Variants in KPNA6 observed in about 807,000 individuals in gnomAD.
The protein encoded by KPNA6 is importin subunit alpha-7.
A neutral mutation model predicts 72.0 loss-of-function variants in KPNA6; 9 were observed. That is an observed-to-expected ratio of 0.13 (90% CI 0.08 to 0.22). KPNA6 has a LOEUF of 0.22. Among genes scored for constraint, KPNA6 ranks in the 10% least tolerant of loss-of-function variants. The pLI, the probability that KPNA6 is intolerant of heterozygous loss-of-function variation, is 1.00. For synonymous variants in KPNA6, 219 were observed against 242.1 expected (o/e 0.90, Z 0.89); for missense variants, 374 against 655.7 (o/e 0.57, Z 4.69).
Position 32,152,944 on chromosome 1 carries a change from A to T in KPNA6, c.5-1644A>T, listed in dbSNP as rs1244939895. Among the ~76,000 whole-genome samples the T allele has an allele frequency of 3.7e-5, 5 of 136,432 alleles. No homozygotes were observed. The East Asian group carries it at 1.2e-3, about 33-fold the overall frequency. 89.5% of individuals were successfully genotyped at this position (136,432 alleles called of 152,430 possible). ...GGCAGGAGAATCACATGAACCCAGG[A>T]GGCGGAGGGTTGCAGTGAGCCAAGA... is the stretch of plus-strand genomic sequence containing the variant. On this transcript the variant is annotated intron_variant, in intron 1 of 13. Coordinates refer to ENST00000373625, the MANE Select transcript of KPNA6 (RefSeq NM_012316.5).
intron 1 of KPNA6, among the ~76,000 whole-genome samples, chr1:32,112,292 A>G (rs924805471): frequency 5.9e-5 from 9 of 152,328 alleles, no homozygotes; most frequent in South Asian, 2.1e-4. Flanking sequence ...AGAACTTGCT[A>G]TGTGCTAGGT....
At chr1:32,119,133 C>T (rs1205286944) in intron 1 of KPNA6, among the ~76,000 whole-genome samples, 2 of 148,434 alleles carry the variant, frequency 1.3e-5, no homozygotes, top group African/African-American at 5.0e-5. Context: ...TGGGTTCAAG[C>T]GATTCTCCTG....
At chr1:32,150,746 C>G (rs1642016766) in intron 1 of KPNA6, among the ~76,000 whole-genome samples, 1 of 152,164 alleles carries the variant, frequency 6.6e-6, no homozygotes, top group Non-Finnish European at 1.5e-5. Flanking sequence ...CCTGCCTCAG[C>G]CTCCCGAGTA....
intron 8 of KPNA6, 65 bp from the exon 9 acceptor site, chr1:32,162,296 G>C: frequency 6.9e-7 from 1 of 1,445,296 alleles, no homozygotes; most frequent in Non-Finnish European, 9.4e-7. Flanking sequence ...TGCAATGTTA[G>C]GGTTCGTGAT....
At chr1:32,152,158 C>G (rs566208652) in intron 1 of KPNA6, among the ~76,000 whole-genome samples, 2 of 152,006 alleles carry the variant, frequency 1.3e-5, no homozygotes, top group South Asian at 4.2e-4. Context: ...GTGAGACCCC[C>G]ATCTCTACAA....
intron 1 of KPNA6, among the ~76,000 whole-genome samples, chr1:32,118,997 CATATATATATATATAT>C (rs71578197): frequency 6.7e-5 from 4 of 59,798 alleles, no homozygotes; most frequent in African/African-American, 1.3e-4. Context: ...TGTGTGTATA[CATATATATATATATAT>C]ATATATATAT....
chr1:32,160,543 G>A lies in KPNA6; in HGVS notation c.559-72G>A. The A allele has an allele frequency of 6.2e-6, 7 of 1,132,604 alleles. No individual in the cohort carries two copies. In the South Asian group the frequency reaches 8.6e-5, roughly 14 times the overall value. 70.2% of individuals were successfully genotyped at this position (1,132,604 alleles called of 1,614,324 possible). A position where few individuals can be genotyped will look rare whatever the true frequency, so the allele number is the denominator to read the frequency against. On this transcript the variant is annotated intron_variant, in intron 6 of 13. Coordinates refer to ENST00000373625, the MANE Select transcript of KPNA6 (RefSeq NM_012316.5). ...TCTCATCCTGGTGGGTACTCACTTT[G>A]CAGTTGTGGCTATAAAGTACTCACA...
intron 1 of KPNA6, among the ~76,000 whole-genome samples, chr1:32,127,934 G>C (rs746407723): frequency 1.1e-4 from 17 of 152,140 alleles, no homozygotes; most frequent in Non-Finnish European, 2.2e-4. Context: ...CACAGTGCCT[G>C]TTTGAGATTG....
chr1:32,167,122 T>C (rs866918684), intron 11 of KPNA6, 47 bp from the exon 12 acceptor site: 12 of 1,601,860 alleles, frequency 7.5e-6, no homozygotes, highest in Non-Finnish European at 9.4e-6. Context: ...TTTATCATGC[T>C]GAAATGACTT....
rs74401724 is a variant in KPNA6, at chr1:32,160,512, C to T, written c.559-103C>T. The T allele has an allele frequency of 2.6e-3, 2,160 of 838,722 alleles. 26 individuals carry two copies. The African/African-American group carries it at 0.03, about 12-fold the overall frequency. The allele number at this position is 838,722 out of a possible 1,614,324, so 52.0% of individuals were successfully genotyped here. On this transcript the variant is annotated intron_variant, in intron 6 of 13. Transcript: ENST00000373625. The stretch of plus-strand genomic sequence containing the variant: ...TTGTGTAGTATATTTGGGGCCTTGA[C>T]ATCATTCTCATCCTGGTGGGTACTC...
intron 1 of KPNA6, among the ~76,000 whole-genome samples, chr1:32,119,032 A>ATATATTTTTTTTTTTTTT (rs1167325052): frequency 2.5e-5 from 1 of 40,278 alleles, no homozygotes; most frequent in Non-Finnish European, 4.1e-5. Flanking sequence ...ATATATATAT[A>ATATATTTTTTTTTTTTTT]TTTTTTTTTT....
At chr1:32,110,646 C>G (rs1357758567) in intron 1 of KPNA6, among the ~76,000 whole-genome samples, 2 of 152,124 alleles carry the variant, frequency 1.3e-5, no homozygotes, top group East Asian at 1.9e-4. Context: ...TGGCTCAGGC[C>G]TATAATCCCA....
chr1:32,110,374 A>G (rs1227178262), intron 1 of KPNA6, among the ~76,000 whole-genome samples: 1 of 151,968 alleles, frequency 6.6e-6, no homozygotes, highest in Non-Finnish European at 1.5e-5. Flanking sequence ...CTGGAATTGG[A>G]TTTTTAAAGA....
Position 32,166,012 on chromosome 1 carries a change from A to C in KPNA6, c.991-93A>C, listed in dbSNP as rs568070188. On this transcript the variant is annotated intron_variant, in intron 10 of 13. Transcript: ENST00000373625. The stretch of plus-strand genomic sequence containing the variant: ...GACTCTGTCTCAAAAAAAAAAACAA[A>C]AACAACAACAACAACAACAACAACA... 1.1e-3 allele frequency: 1,471 copies of C among 1,388,208 alleles called. 12 individuals carry two copies. The African/African-American group carries it at 0.015, about 14-fold the overall frequency. 86.0% of individuals were successfully genotyped at this position (1,388,208 alleles called of 1,614,324 possible).
chr1:32,135,711 G>C (rs1570022352), intron 1 of KPNA6, among the ~76,000 whole-genome samples: 1 of 148,998 alleles, frequency 6.7e-6, no homozygotes, highest in African/African-American at 2.5e-5. Context: ...CAAGTGATCT[G>C]ACTGCCTCAG....
intron 1 of KPNA6, among the ~76,000 whole-genome samples, chr1:32,152,057 T>C (rs1026049567): frequency 6.6e-6 from 1 of 152,326 alleles, no homozygotes; most frequent in African/African-American, 2.4e-5. Flanking sequence ...ATGATGGGCA[T>C]GGTGGCTCAT....
intron 12 of KPNA6, among the ~76,000 whole-genome samples, chr1:32,167,639 AC>A (rs1275227656): frequency 3.9e-5 from 6 of 152,038 alleles, no homozygotes; most frequent in African/African-American, 1.4e-4. Flanking sequence ...ATGAAGGGGA[AC>A]CGTACTATGG....
chr1:32,142,858 T>G, intron 1 of KPNA6: 1 of 953,736 alleles, frequency 1.0e-6, no homozygotes, highest in Non-Finnish European at 1.4e-6. Flanking sequence ...CTCCCTTGTC[T>G]GCTTCCCCAG....
rs977001078 is a variant in KPNA6 at position 32,174,953 on chromosome 1, T to C, written c.*4059T>C. 2.0e-5 allele frequency: 3 copies of C among 152,248 alleles called. No homozygotes were observed. Among genetic ancestry groups the C allele is most frequent in the Non-Finnish European group, 4.4e-5 (3 of 68,060 alleles). 9.4% of individuals were successfully genotyped at this position (152,248 alleles called of 1,614,324 possible). ...TGTCCAGTATGTTTTCTGTTTGAGCTTTTTCATTCTTTTGTTAAGCCAACA... is the reference window on the plus strand; with the variant it reads ...TGTCCAGTATGTTTTCTGTTTGAGCCTTTTCATTCTTTTGTTAAGCCAACA... On this transcript the variant is annotated 3_prime_UTR_variant, in exon 14 of 14. Coordinates refer to ENST00000373625, the MANE Select transcript of KPNA6 (RefSeq NM_012316.5).
Sources: gnomAD v4.1 joint callset for allele counts (sites outside exome capture counted in the v4.1 genomes callset) on GRCh38, gnomAD v4.1.1 for gene constraint, MANE v1.5 for transcripts, NCBI Gene and HGNC (gene_info 2026-07-23, HGNC 2026-07-21) for gene names.